The following NALF1 variants were observed in gnomAD, a reference collection of about 807,000 sequenced individuals.
NALF1 encodes family with sequence similarity 155 member A.
Under a neutral mutation model 48.4 loss-of-function variants are expected in NALF1, and 3 were observed. The ratio of observed to expected loss-of-function variants is 0.06; its 90% confidence interval spans 0.03 to 0.16. The LOEUF (loss-of-function observed/expected upper bound fraction) is 0.16. NALF1 is among the 10% of genes least tolerant of loss of function. NALF1 has a pLI of 1.00. For missense variants in NALF1, 526 were observed against 571.5 expected (o/e 0.92, Z 0.81); for synonymous variants, 262 against 245.7 (o/e 1.07, Z -0.62).
intron 1 of NALF1, among the ~76,000 whole-genome samples, chr13:107,260,725 C>A (rs1446508656): frequency 1.3e-5 from 2 of 152,176 alleles, no homozygotes; most frequent in African/African-American, 2.4e-5. Context: ...CCTGGACAAC[C>A]ATGATTTTCT....
intron 1 of NALF1, among the ~76,000 whole-genome samples, chr13:107,729,015 G>A (rs1279444452): frequency 6.6e-6 from 1 of 152,138 alleles, no homozygotes; most frequent in African/African-American, 2.4e-5. Context: ...GCATAGAATG[G>A]CAATTTAAAT....
chr13:107,371,398 A>T (rs567113174), intron 1 of NALF1, among the ~76,000 whole-genome samples: 101 of 152,270 alleles, frequency 6.6e-4, no homozygotes, highest in African/African-American at 2.3e-3. Context: ...AGTGACTGTG[A>T]CTGCAACACT....
chr13:107,650,563 G>C (rs955156491), intron 1 of NALF1, among the ~76,000 whole-genome samples: 1 of 151,812 alleles, frequency 6.6e-6, no homozygotes, highest in African/African-American at 2.4e-5. Flanking sequence ...ATGATACAAT[G>C]GGCTTTGGTG....
chr13:107,517,581 A>C (rs867407968), intron 1 of NALF1, among the ~76,000 whole-genome samples: 3 of 152,076 alleles, frequency 2.0e-5, no homozygotes, highest in African/African-American at 7.2e-5. Context: ...GCAATGAGCC[A>C]AGATCGCGCC....
At chr13:107,773,845 T>A (rs1407260893) in intron 1 of NALF1, among the ~76,000 whole-genome samples, 3 of 151,898 alleles carry the variant, frequency 2.0e-5, no homozygotes, top group Non-Finnish European at 4.4e-5. Flanking sequence ...AACCTGCACA[T>A]TGCGCACATG....
At chr13:107,403,205 T>TATTTTTA (rs1566327338) in intron 1 of NALF1, among the ~76,000 whole-genome samples, 23 of 144,558 alleles carry the variant, frequency 1.6e-4, no homozygotes, top group African/African-American at 5.6e-4. Context: ...TTTTTTTTTT[T>TATTTTTA]TTTTTTTTTT....
intron 1 of NALF1, among the ~76,000 whole-genome samples, chr13:107,746,271 T>A (rs1000487198): frequency 1.3e-5 from 2 of 152,208 alleles, no homozygotes; most frequent in African/African-American, 4.8e-5. Context: ...CATGTAGAAC[T>A]GTGTGTCAAT....
intron 1 of NALF1, among the ~76,000 whole-genome samples, chr13:107,811,579 T>C (rs373944341): frequency 1.5e-4 from 23 of 152,202 alleles, no homozygotes; most frequent in African/African-American, 5.3e-4. Context: ...TGTTTGACTT[T>C]GGAAAACAGA....
At chr13:107,501,275 C>T (rs1227417288) in intron 1 of NALF1, among the ~76,000 whole-genome samples, 1 of 152,042 alleles carries the variant, frequency 6.6e-6, no homozygotes, top group African/African-American at 2.4e-5. Context: ...GACACAAACA[C>T]CCCCTAAAAG....
At chr13:107,577,351 G>T (rs1314133431) in intron 1 of NALF1, among the ~76,000 whole-genome samples, 1 of 152,136 alleles carries the variant, frequency 6.6e-6, no homozygotes, top group African/African-American at 2.4e-5. Flanking sequence ...CTCTAAAGTT[G>T]GTTGGAAACT....
chr13:107,329,830 G>A (rs1329485852), intron 1 of NALF1, among the ~76,000 whole-genome samples: 1 of 152,122 alleles, frequency 6.6e-6, no homozygotes. Flanking sequence ...CAAAAGACAT[G>A]AACTCATCAT....
intron 1 of NALF1, among the ~76,000 whole-genome samples, chr13:107,333,999 T>C (rs1270109497): frequency 6.6e-6 from 1 of 152,204 alleles, no homozygotes; most frequent in East Asian, 1.9e-4. Context: ...GAATGTATTA[T>C]GTTCATTCAT....
intron 2 of NALF1, among the ~76,000 whole-genome samples, chr13:107,209,733 T>C (rs528596043): frequency 6.6e-6 from 1 of 152,300 alleles, no homozygotes; most frequent in African/African-American, 2.4e-5. Context: ...ACACATATGA[T>C]GGTGTTTTAT....
intron 1 of NALF1, among the ~76,000 whole-genome samples, chr13:107,854,498 C>T (rs16971331): frequency 0.12 from 17,918 of 152,220 alleles, 1,770 homozygotes; most frequent in African/African-American, 0.26. Context: ...TTTAAAAACA[C>T]TTGCTTCTCT....
chr13:107,348,541 G>A (rs1232715307), intron 1 of NALF1, among the ~76,000 whole-genome samples: 1 of 151,998 alleles, frequency 6.6e-6, no homozygotes, highest in Non-Finnish European at 1.5e-5. Context: ...CTGTCGTCTA[G>A]GTTTTAAGCT....
At chr13:107,403,188 C>CTTTTTTTTTTTTTTTTTTTTTTTTTTTT (rs10710356) in intron 1 of NALF1, among the ~76,000 whole-genome samples, 3 of 42,476 alleles carry the variant, frequency 7.1e-5, no homozygotes, top group African/African-American at 1.7e-4. Context: ...CTTGTTCGGG[C>CTTTTTTTTTTTTTTTTTTTTTTTTTTTT]TTTTTTTTTT....
intron 1 of NALF1, among the ~76,000 whole-genome samples, chr13:107,595,230 A>C (rs928410111): frequency 6.6e-6 from 1 of 152,148 alleles, no homozygotes; most frequent in African/African-American, 2.4e-5. Context: ...ATAATCATGG[A>C]AAAGTTTATC....
chr13:107,478,920 C>T (rs1379162781), intron 1 of NALF1, among the ~76,000 whole-genome samples: 1 of 152,040 alleles, frequency 6.6e-6, no homozygotes, highest in Non-Finnish European at 1.5e-5. Context: ...GTTCCAGATC[C>T]TAAAATAAAA....
chr13:107,685,737 A>G (rs1326800847), intron 1 of NALF1, among the ~76,000 whole-genome samples: 1 of 152,222 alleles, frequency 6.6e-6, no homozygotes, highest in East Asian at 1.9e-4. Context: ...CAGACCTAAT[A>G]AAGAGCAGCA....
Sources: gnomAD v4.1 joint callset for allele counts (sites outside exome capture counted in the v4.1 genomes callset) on GRCh38, gnomAD v4.1.1 for gene constraint, MANE v1.5 for transcripts, NCBI Gene and HGNC (gene_info 2026-07-23, HGNC 2026-07-21) for gene names.